ABTB3: variants seen among roughly 807,000 people sequenced by gnomAD.
The protein encoded by ABTB3 is ankyrin repeat and BTB domain containing 3.
chr12:107,433,296 C>CAAA, the ABTB3 span, among the ~76,000 whole-genome samples: 8 of 23,120 alleles, frequency 3.5e-4, 1 homozygote, highest in East Asian at 6.7e-3. Context: ...GACTCCGTCT[C>CAAA]AAAAAAAAAA....
chr12:107,325,368 C>A, the ABTB3 span, among the ~76,000 whole-genome samples: 5 of 152,210 alleles, frequency 3.3e-5, no homozygotes, highest in Admixed American at 3.3e-4. Flanking sequence ...AACCCATCTT[C>A]TTAAGAGGAA....
chr12:107,369,856 G>A, the ABTB3 span, among the ~76,000 whole-genome samples: 27 of 151,724 alleles, frequency 1.8e-4, no homozygotes, highest in African/African-American at 6.5e-4. Context: ...ATGATTTCCT[G>A]TAATGCTGGG....
At chr12:107,652,753 C>A in the ABTB3 span, among the ~76,000 whole-genome samples, 3 of 152,210 alleles carry the variant, frequency 2.0e-5, no homozygotes, top group African/African-American at 7.2e-5. Flanking sequence ...ATCCAATTCA[C>A]TTCATCAGTG....
the ABTB3 span, among the ~76,000 whole-genome samples, chr12:107,656,303 A>AAG: frequency 6.6e-6 from 1 of 151,886 alleles, no homozygotes; most frequent in Non-Finnish European, 1.5e-5. Flanking sequence ...TCTGTCAAAA[A>AAG]AAAAAAAAAT....
At chr12:107,528,671 C>A in the ABTB3 span, among the ~76,000 whole-genome samples, 1 of 152,204 alleles carries the variant, frequency 6.6e-6, no homozygotes, top group African/African-American at 2.4e-5. Flanking sequence ...CTTCAGGGAT[C>A]CCTGTGCCAA....
the ABTB3 span, among the ~76,000 whole-genome samples, chr12:107,595,718 GT>G: frequency 6.6e-6 from 1 of 152,152 alleles, no homozygotes; most frequent in Non-Finnish European, 1.5e-5. Flanking sequence ...CTGACTAGCT[GT>G]GTGACCTTGG....
chr12:107,454,288 GAGA>G, the ABTB3 span, among the ~76,000 whole-genome samples: 1 of 152,248 alleles, frequency 6.6e-6, no homozygotes, highest in African/African-American at 2.4e-5. Flanking sequence ...AGTGCGAAAT[GAGA>G]AGGTGAGGCC....
chr12:107,602,357 C>T, the ABTB3 span, among the ~76,000 whole-genome samples: 8 of 152,318 alleles, frequency 5.3e-5, no homozygotes, highest in African/African-American at 1.9e-4. Flanking sequence ...GGACTGTAGT[C>T]TCTGTGTCTC....
the ABTB3 span, among the ~76,000 whole-genome samples, chr12:107,417,768 T>C: frequency 6.6e-6 from 1 of 152,248 alleles, no homozygotes; most frequent in Non-Finnish European, 1.5e-5. Flanking sequence ...CATACCCTGA[T>C]GAGCTGAGTC....
chr12:107,362,345 C>A, the ABTB3 span, among the ~76,000 whole-genome samples: 1 of 152,240 alleles, frequency 6.6e-6, no homozygotes, highest in East Asian at 1.9e-4. Flanking sequence ...GCTATGCCTG[C>A]CAGCTTCTCT....
chr12:107,508,452 T>TG, the ABTB3 span, among the ~76,000 whole-genome samples: 1 of 119,116 alleles, frequency 8.4e-6, no homozygotes. Flanking sequence ...TTTTTTTTTT[T>TG]TTTTTTTTTT....
At chr12:107,537,812 G>T in the ABTB3 span, among the ~76,000 whole-genome samples, 8 of 152,090 alleles carry the variant, frequency 5.3e-5, no homozygotes, top group Admixed American at 5.2e-4. Flanking sequence ...GCCTCTGCAA[G>T]TTCGTCCCGC....
At chr12:107,452,724 C>T in the ABTB3 span, among the ~76,000 whole-genome samples, 14 of 152,040 alleles carry the variant, frequency 9.2e-5, no homozygotes, top group South Asian at 4.2e-4. Flanking sequence ...ACTTGTAATC[C>T]CAGCTACTCG....
At chr12:107,630,385 C>G in the ABTB3 span, among the ~76,000 whole-genome samples, 2 of 151,904 alleles carry the variant, frequency 1.3e-5, no homozygotes, top group East Asian at 3.9e-4. Flanking sequence ...AGGGAGCCCC[C>G]TGATGTTCAG....
At chr12:107,485,055 T>C in the ABTB3 span, among the ~76,000 whole-genome samples, 4,944 of 152,198 alleles carry the variant, frequency 0.032, 261 homozygotes, top group African/African-American at 0.11. Context: ...GTTCTATCTT[T>C]CCATGCATGT....
chr12:107,650,325 A>G, the ABTB3 span: 1 of 152,192 alleles, frequency 6.6e-6, no homozygotes, highest in Non-Finnish European at 1.5e-5. Flanking sequence ...CCTGGCACAC[A>G]GTGATCGCCA....
chr12:107,547,796 A>G, the ABTB3 span, among the ~76,000 whole-genome samples: 4 of 152,212 alleles, frequency 2.6e-5, no homozygotes, highest in Admixed American at 6.5e-5. Context: ...TAAGGTGAGA[A>G]CACAACCATC....
the ABTB3 span, among the ~76,000 whole-genome samples, chr12:107,570,555 A>G: frequency 6.6e-6 from 1 of 151,496 alleles, no homozygotes; most frequent in African/African-American, 2.4e-5. Flanking sequence ...TGGCTAACCT[A>G]TAGTTTTACC....
the ABTB3 span, among the ~76,000 whole-genome samples, chr12:107,590,663 A>G: frequency 1.8e-3 from 277 of 152,336 alleles, no homozygotes; most frequent in African/African-American, 6.5e-3. Flanking sequence ...CTGAGCTTCC[A>G]AAGTGTTAAA....
Sources: gnomAD v4.1 joint callset for allele counts (sites outside exome capture counted in the v4.1 genomes callset) on GRCh38, gnomAD v4.1.1 for gene constraint, MANE v1.5 for transcripts, NCBI Gene and HGNC (gene_info 2026-07-23, HGNC 2026-07-21) for gene names.